PITRM1: variants seen among roughly 807,000 people sequenced by gnomAD.
PITRM1 encodes presequence protease, mitochondrial.
PITRM1 carries 100 observed loss-of-function variants against 129.9 expected under a neutral mutation model. The observed-to-expected ratio is 0.77, with a 90% CI of 0.65 to 0.91. The LOEUF (loss-of-function observed/expected upper bound fraction) is 0.91. PITRM1 is among the 40% of genes least tolerant of loss of function. PITRM1 has a pLI of 0.00. For missense variants in PITRM1, 1,471 were observed against 1,318.3 expected (o/e 1.12, Z -1.79); for synonymous variants, 591 against 508.8 (o/e 1.16, Z -2.17).
In PITRM1 at chr10:3,166,369, C is replaced by T. The variant is rs200158878; in HGVS notation, c.278G>A (p.Arg93His). 5.5e-5 allele frequency: 80 copies of T among 1,445,880 alleles called. No homozygotes were observed. Among genetic ancestry groups the T allele is most frequent in the African/African-American group, 9.7e-5 (4 of 41,438 alleles). 89.6% of individuals were successfully genotyped at this position (1,445,880 alleles called of 1,614,324 possible). The change falls in exon 4 of 27, where the codon CGT (arginine) becomes CAT (histidine). Residue 93 changes from arginine (R) to histidine (H), a missense_variant. Arg to His is a conservative substitution (Grantham distance 29). Transcript: ENST00000224949. ...ACCAGTACTGTCCATGGGAGTAGTA[C>T]GGAACTGCACGCTAGGGAAGGAGAA... ...DTNNLFSVQF[R>H]TTPMDSTGVP...
intron 1 of PITRM1, among the ~76,000 whole-genome samples, chr10:3,171,686 G>T (rs971894564): frequency 2.6e-5 from 4 of 152,160 alleles, no homozygotes; most frequent in African/African-American, 9.7e-5. Flanking sequence ...TGGTCTGCCC[G>T]CCTTGGCCTC....
At position 3,156,794 on chromosome 10, in the gene PITRM1, T is replaced by A. The variant is rs1478719677; in HGVS notation, c.1482+136A>T. On this transcript the variant is annotated intron_variant, in intron 13 of 26. Transcript: ENST00000224949. ...GAAAATAATTAAGTTAATGTAAGCA[T>A]TTAAATTTTTAATTAGAAATTAAGT... 13 of 582,152 alleles carry A rather than the reference T, an allele frequency of 2.2e-5. No individual in the cohort carries two copies. In the South Asian group the frequency reaches 3.9e-4, roughly 17 times the overall value. 36.1% of individuals were successfully genotyped at this position (582,152 alleles called of 1,614,324 possible).
At position 3,166,982 on chromosome 10, in the gene PITRM1, C is replaced by A; in HGVS notation, c.220G>T (p.Ala74Ser). ...TCTCTGGCCAGGTGTAAATACCTGGCTCCTGTGTCATCATGGGTGAGCTTC... is the reference window on the plus strand; with the variant it reads ...TCTCTGGCCAGGTGTAAATACCTGGATCCTGTGTCATCATGGGTGAGCTTC... Reference protein sequence around the residue: ...AVKLTHDDTGARYLHLAREDT... With the variant: ...AVKLTHDDTGSRYLHLAREDT... Residue 74 changes from alanine to serine, a missense_variant, in exon 3 of 27, where the codon GCC (alanine) becomes TCC (serine). Transcript: ENST00000224949. The A allele has an allele frequency of 1.2e-6, 2 of 1,611,612 alleles. No individual in the cohort carries two copies. Among genetic ancestry groups the A allele is most frequent in the Non-Finnish European group, 1.7e-6 (2 of 1,178,794 alleles).
At chr10:3,151,781 G>T (rs1841540520) in intron 14 of PITRM1, among the ~76,000 whole-genome samples, 1 of 152,156 alleles carries the variant, frequency 6.6e-6, no homozygotes, top group Admixed American at 6.6e-5. Context: ...TGTCACCCAG[G>T]CTGGAGTACA....
intron 25 of PITRM1, chr10:3,138,602 C>A (rs995865351): frequency 3.3e-6 from 2 of 603,780 alleles, no homozygotes; most frequent in Non-Finnish European, 5.9e-6. Flanking sequence ...AAAAGCGGCT[C>A]CAGAGAGTAA....
intron 10 of PITRM1, among the ~76,000 whole-genome samples, 155 bp downstream of exon 10, chr10:3,158,759 A>ACTTC (rs1040530337): frequency 1.3e-5 from 2 of 152,224 alleles, no homozygotes; most frequent in Non-Finnish European, 2.9e-5. Context: ...ACACTCAGCA[A>ACTTC]CTTCCTGGTC....
At position 3,168,150 on chromosome 10, in the gene PITRM1, G is replaced by A. The variant is rs77409108; in HGVS notation, c.160-1108C>T. 4.6e-5 allele frequency among the ~76,000 whole-genome samples: 7 copies of A among 152,156 alleles called. No individual in the cohort carries two copies. The East Asian group carries it at 7.7e-4, about 17-fold the overall frequency. Reference sequence around the variant, plus strand: ...CCTGGCCAAGCGCACACAGTAAGTCGCTGGCCAAGGTCAGACCTCGGGTCT... The same window carrying A: ...CCTGGCCAAGCGCACACAGTAAGTCACTGGCCAAGGTCAGACCTCGGGTCT... On this transcript the variant is annotated intron_variant, in intron 2 of 26. Transcript: ENST00000224949.
chr10:3,165,629 T>C (rs1030255098), intron 4 of PITRM1, 102 bp from the exon 5 acceptor site: 3 of 735,714 alleles, frequency 4.1e-6, no homozygotes, highest in Non-Finnish European at 6.9e-6. Flanking sequence ...CAGTAAGCTG[T>C]AGCTATTCTT....
intron 14 of PITRM1, among the ~76,000 whole-genome samples, chr10:3,152,121 T>G (rs1460124013): frequency 6.6e-6 from 1 of 152,126 alleles, no homozygotes; most frequent in Non-Finnish European, 1.5e-5. Context: ...ATCACACAAA[T>G]TACAGTGGTG....
chr10:3,145,505 G>T, intron 21 of PITRM1, 91 bp downstream of exon 21: 1 of 1,102,346 alleles, frequency 9.1e-7, no homozygotes. Context: ...ATGCTGGACT[G>T]CTCTGAGAAT....
chr10:3,157,364 G>T (rs1025169162), intron 12 of PITRM1, 71 bp downstream of exon 12: 5 of 876,406 alleles, frequency 5.7e-6, no homozygotes, highest in Non-Finnish European at 8.7e-6. Context: ...ATATCAAAAA[G>T]CCAGTTAAGC....
At chr10:3,141,861 G>A (rs1158846751) in intron 23 of PITRM1, 1 of 236,752 alleles carries the variant, frequency 4.2e-6, no homozygotes, top group African/African-American at 2.3e-5. Context: ...GAGAAACCCA[G>A]CGCCACTCGG....
chr10:3,139,830 CCTT>C (rs1220218166), intron 24 of PITRM1, among the ~76,000 whole-genome samples: 3 of 152,210 alleles, frequency 2.0e-5, no homozygotes, highest in African/African-American at 7.2e-5. Flanking sequence ...CCGGCTGGCT[CCTT>C]CTTAAAAACT....
intron 9 of PITRM1, 68 bp from the exon 10 acceptor site, chr10:3,159,110 A>C: frequency 7.3e-7 from 1 of 1,363,858 alleles, no homozygotes; most frequent in Non-Finnish European, 1.0e-6. Flanking sequence ...GCCCTTATGC[A>C]CATTTTATTT....
At chr10:3,143,781 CAATT>C (rs957027354) in intron 22 of PITRM1, 1 of 654,304 alleles carries the variant, frequency 1.5e-6, no homozygotes, top group African/African-American at 1.8e-5. Flanking sequence ...GTATACTGTT[CAATT>C]AAAAACATTT....
chr10:3,143,659 C>G (rs1216621761), intron 22 of PITRM1, 158 bp from the exon 23 acceptor site: 1 of 714,964 alleles, frequency 1.4e-6, no homozygotes. Context: ...CCGTGACACT[C>G]TGCAGCCAGG....
At chr10:3,142,610 G>C (rs7911918) in intron 23 of PITRM1, among the ~76,000 whole-genome samples, 106,209 of 152,272 alleles carry the variant, frequency 0.7, 37,079 homozygotes, top group East Asian at 0.74. Flanking sequence ...GGGGCAGCCA[G>C]AGTTCGGAAG....
At chr10:3,170,459 T>C (rs1843239720) in intron 1 of PITRM1, among the ~76,000 whole-genome samples, 1 of 152,172 alleles carries the variant, frequency 6.6e-6, no homozygotes, top group Non-Finnish European at 1.5e-5. Context: ...ATAACTATAA[T>C]ACAATTACAG....
chr10:3,151,798 C>A (rs982136825), intron 14 of PITRM1, among the ~76,000 whole-genome samples: 8 of 152,206 alleles, frequency 5.3e-5, no homozygotes, highest in Non-Finnish European at 1.0e-4. Flanking sequence ...TACAGTGGCA[C>A]CATCTCAGCT....
Sources: allele counts gnomAD v4.1 joint callset (sites outside exome capture counted in the v4.1 genomes callset), GRCh38; gene constraint gnomAD v4.1.1; transcripts MANE v1.5; gene names NCBI Gene and HGNC (gene_info 2026-07-23, HGNC 2026-07-21).